EPAS1: variants seen among roughly 807,000 people sequenced by gnomAD.
EPAS1 encodes endothelial PAS domain protein 1.
EPAS1 carries 23 observed loss-of-function variants against 87.9 expected under a neutral mutation model. That is an observed-to-expected ratio of 0.26 (90% CI 0.19 to 0.37). EPAS1 has a LOEUF of 0.37. Among genes scored for constraint, EPAS1 ranks in the 10% least tolerant of loss-of-function variants. The pLI, the probability that EPAS1 is intolerant of heterozygous loss-of-function variation, is 1.00. For synonymous variants in EPAS1, 508 were observed against 444.3 expected, an observed-to-expected ratio of 1.14 and a Z score of -1.80; for missense variants, 1,138 against 1,120.7, an observed-to-expected ratio of 1.02 and a Z score of -0.22.
chr2:46,297,976 G>A (rs770846759), intron 1 of EPAS1, 39 bp downstream of exon 1: 63 of 1,608,116 alleles, frequency 3.9e-5, no homozygotes, highest in Non-Finnish European at 4.8e-5. Flanking sequence ...GCCGGTCCGA[G>A]GCCAGGGCCG....
At chr2:46,348,168 C>T (rs982764350) in intron 2 of EPAS1, among the ~76,000 whole-genome samples, 6 of 152,112 alleles carry the variant, frequency 3.9e-5, no homozygotes, top group African/African-American at 1.4e-4. Flanking sequence ...GAAAATAGGA[C>T]GACAGCTCAG....
At chr2:46,353,048 TCAGCGTTAC>T (rs1265078921) in intron 2 of EPAS1, among the ~76,000 whole-genome samples, 116 of 152,300 alleles carry the variant, frequency 7.6e-4, no homozygotes, top group East Asian at 7.7e-4. Flanking sequence ...GATTTTGAAG[TCAGCGTTAC>T]CACTGAGATC....
At position 46,384,379 on chromosome 2, in the gene EPAS1, G is replaced by C. The variant is rs148537062; in HGVS notation, c.2462-130G>C. 1.7e-3 allele frequency: 2,276 copies of C among 1,325,980 alleles called. 38 individuals carry two copies. In the African/African-American group the frequency reaches 0.03, roughly 17 times the overall value. The allele number at this position is 1,325,980 out of a possible 1,614,324, so 82.1% of individuals were successfully genotyped here. A position where few individuals can be genotyped will look rare whatever the true frequency, so the allele number is the denominator to read the frequency against. On this transcript the variant is annotated intron_variant, in intron 15 of 15. Transcript: ENST00000263734. ...TCCCCGGGCATGCAGCAGGCCGTGG[G>C]ACAGACACCACTGAAGGAGCAGAGT...
chr2:46,384,358 C>T (rs918348500), intron 15 of EPAS1, 151 bp from the exon 16 acceptor site: 25 of 1,107,878 alleles, frequency 2.3e-5, no homozygotes, highest in African/African-American at 6.1e-5. Context: ...ACACGTTCCC[C>T]GGGCATGCAG....
chr2:46,348,578 A>G (rs1218952020), intron 2 of EPAS1, among the ~76,000 whole-genome samples: 1 of 152,064 alleles, frequency 6.6e-6, no homozygotes, highest in African/African-American at 2.4e-5. Context: ...GGTACTTGAG[A>G]TTTTGCTCTT....
chr2:46,320,050 A>G (rs1488368839), intron 1 of EPAS1, among the ~76,000 whole-genome samples: 3 of 152,202 alleles, frequency 2.0e-5, no homozygotes, highest in Non-Finnish European at 4.4e-5. Flanking sequence ...ATCTATTACA[A>G]CAATCTGAAT....
intron 1 of EPAS1, among the ~76,000 whole-genome samples, chr2:46,332,295 T>C (rs1281924120): frequency 1.2e-5 from 1 of 82,082 alleles, no homozygotes; most frequent in African/African-American, 6.3e-5. Context: ...AAAATACGTG[T>C]GTGTGTGTGT....
At chr2:46,305,380 G>T (rs1683090081) in intron 1 of EPAS1, among the ~76,000 whole-genome samples, 1 of 152,116 alleles carries the variant, frequency 6.6e-6, no homozygotes, top group African/African-American at 2.4e-5. Context: ...GGGGCCACTT[G>T]TACGTCAGCA....
intron 2 of EPAS1, among the ~76,000 whole-genome samples, chr2:46,350,261 T>G (rs1466261768): frequency 2.0e-5 from 3 of 152,240 alleles, no homozygotes; most frequent in African/African-American, 7.2e-5. Context: ...CATTCATTAT[T>G]TAAGCATTTC....
rs755176702 is a variant in EPAS1, at chr2:46,381,719, C to A, written c.2169C>A (p.Ser723Arg). 1.9e-6 allele frequency: 3 copies of A among 1,613,732 alleles called. No individual in the cohort carries two copies. In the Admixed American group the frequency reaches 5.0e-5, roughly 27 times the overall value. The change falls in exon 13 of 16, where the codon AGC (serine) becomes AGA (arginine). Residue 723 changes from serine (S) to arginine (R), a missense_variant. Around this residue, in one of 4 missense-constraint regions of EPAS1, gnomAD observed 502 missense variants for 427.1 expected, o/e 1.18. Transcript: ENST00000263734. ...EYEEQAFQDL[S>R]GGDPPGGSTS... ...AAGAGCAAGCCTTCCAGGACCTGAG[C>A]GGGGTGAGTCATCCCCACTGGCCAC... is the stretch of plus-strand genomic sequence containing the variant.
At chr2:46,342,625 A>T (rs1202981340) in intron 1 of EPAS1, among the ~76,000 whole-genome samples, 1 of 152,216 alleles carries the variant, frequency 6.6e-6, no homozygotes. Flanking sequence ...GGTGACAGAC[A>T]TCTTGGGGCC....
Position 46,297,735 on chromosome 2 carries a change from C to A in EPAS1, c.-177C>A. ...TCACCTTTCTCCACCCCCGCCCCCG[C>A]ACCTAGCCCGCCGCGCGCCACCTTC... is the stretch of plus-strand genomic sequence containing the variant. On this transcript the variant is annotated 5_prime_UTR_variant, in exon 1 of 16. Coordinates refer to ENST00000263734, the MANE Select transcript of EPAS1 (RefSeq NM_001430.5). 2 of 734,042 alleles carry A rather than the reference C, an allele frequency of 2.7e-6. No individual in the cohort carries two copies. The highest frequency in any genetic ancestry group is 4.4e-6 in the Non-Finnish European group (2 of 450,912). 45.5% of individuals were successfully genotyped at this position (734,042 alleles called of 1,614,324 possible). A position where few individuals can be genotyped will look rare whatever the true frequency, so the allele number is the denominator to read the frequency against.
At chr2:46,372,139 G>T (rs1183895302) in intron 7 of EPAS1, among the ~76,000 whole-genome samples, 1 of 152,186 alleles carries the variant, frequency 6.6e-6, no homozygotes, top group East Asian at 1.9e-4. Flanking sequence ...AGCCCAAATA[G>T]AAATCACAGG....
chr2:46,341,162 T>C (rs1683904495), intron 1 of EPAS1, among the ~76,000 whole-genome samples: 1 of 152,194 alleles, frequency 6.6e-6, no homozygotes, highest in African/African-American at 2.4e-5. Context: ...AACATTTTTG[T>C]CACTCCTTTG....
chr2:46,365,237 C>A (rs1341190965), intron 6 of EPAS1, among the ~76,000 whole-genome samples: 3 of 152,042 alleles, frequency 2.0e-5, no homozygotes, highest in African/African-American at 7.3e-5. Context: ...AGCAGTATCA[C>A]CAGGGGAAGA....
chr2:46,297,958 A>G, intron 1 of EPAS1, 21 bp downstream of exon 1: 1 of 1,611,116 alleles, frequency 6.2e-7, no homozygotes, highest in South Asian at 1.1e-5. Context: ...GTCCGGGCCG[A>G]TCAGGGGGCC....
chr2:46,340,031 G>T (rs112297411), intron 1 of EPAS1, among the ~76,000 whole-genome samples: 258 of 152,268 alleles, frequency 1.7e-3, no homozygotes, highest in African/African-American at 5.8e-3. Context: ...ACCCACTAAG[G>T]CTTGGGCTTG....
intron 1 of EPAS1, among the ~76,000 whole-genome samples, chr2:46,323,017 C>T (rs987905478): frequency 6.6e-6 from 1 of 152,204 alleles, no homozygotes; most frequent in African/African-American, 2.4e-5. Context: ...CAGCTGAAAA[C>T]AAACCTTGTG....
intron 14 of EPAS1, 98 bp downstream of exon 14, chr2:46,382,187 C>A (rs549871238): frequency 4.1e-6 from 5 of 1,214,566 alleles, no homozygotes; most frequent in Non-Finnish European, 5.9e-6. Flanking sequence ...ACAGGCCGTA[C>A]CTGCCTCTCT....
Sources: allele counts gnomAD v4.1 joint callset (sites outside exome capture counted in the v4.1 genomes callset), GRCh38; gene constraint gnomAD v4.1.1; regional missense constraint gnomAD v4.1.1; transcripts MANE v1.5; gene names NCBI Gene and HGNC (gene_info 2026-07-23, HGNC 2026-07-21).